NCAM2: variants seen among roughly 807,000 people sequenced by gnomAD.
NCAM2 encodes the protein neural cell adhesion molecule 2, also known as N-CAM-2.
In NCAM2, 30 loss-of-function variants were observed where a neutral mutation model predicts 98.1. The observed-to-expected ratio is 0.31, with a 90% CI of 0.23 to 0.41. NCAM2 has a LOEUF of 0.41. NCAM2 is among the 10% of genes least tolerant of loss of function. The pLI, the probability that NCAM2 is intolerant of heterozygous loss-of-function variation, is 1.00. For synonymous variants in NCAM2, 368 were observed against 342.4 expected (o/e 1.07, Z -0.83); for missense variants, 867 against 1,005.8 (o/e 0.86, Z 1.87).
At chr21:21,526,679 T>C (rs1439453126) in intron 16 of NCAM2, among the ~76,000 whole-genome samples, 2 of 152,154 alleles carry the variant, frequency 1.3e-5, no homozygotes, top group African/African-American at 4.8e-5. Context: ...AAAGTAATAT[T>C]GAAAGTGTAA....
intron 5 of NCAM2, among the ~76,000 whole-genome samples, chr21:21,323,976 A>C (rs1218615547): frequency 6.6e-6 from 1 of 152,198 alleles, no homozygotes; most frequent in African/African-American, 2.4e-5. Context: ...TATTGATGTA[A>C]GTTAGGGTGG....
intron 1 of NCAM2, among the ~76,000 whole-genome samples, chr21:21,074,157 A>G (rs1008400512): frequency 1.3e-5 from 2 of 152,112 alleles, no homozygotes; most frequent in African/African-American, 4.8e-5. Flanking sequence ...CTTTAGAAAA[A>G]TTTCCAAGTA....
intron 15 of NCAM2, among the ~76,000 whole-genome samples, chr21:21,478,600 G>A (rs1179037887): frequency 6.6e-6 from 1 of 151,862 alleles, no homozygotes. Flanking sequence ...GGTTTAAAAA[G>A]TAATTGATAT....
intron 1 of NCAM2, among the ~76,000 whole-genome samples, chr21:21,218,644 A>G (rs1157925813): frequency 6.6e-6 from 1 of 152,232 alleles, no homozygotes; most frequent in African/African-American, 2.4e-5. Context: ...TTGCAACTTT[A>G]CTGACTTTGA....
rs187210596 is a variant in NCAM2 at position 21,130,824 on chromosome 21, A to G, written c.55+132206A>G. Among the ~76,000 whole-genome samples, 8 of 152,268 alleles carry G rather than the reference A, an allele frequency of 5.3e-5. No homozygotes were observed. The East Asian group carries it at 1.4e-3, about 26-fold the overall frequency. On this transcript the variant is annotated intron_variant, in intron 1 of 17. Coordinates refer to ENST00000400546, the MANE Select transcript of NCAM2 (RefSeq NM_004540.5). ...TCTGGGTGAATATTTAAAATGGCAA[A>G]ACATATGTCCAAAAATATAAGCTGG...
At chr21:21,429,048 T>A (rs1170237735) in intron 11 of NCAM2, among the ~76,000 whole-genome samples, 4 of 152,076 alleles carry the variant, frequency 2.6e-5, no homozygotes, top group African/African-American at 9.7e-5. Context: ...AAAACCAAAA[T>A]GTAAAAAATA....
At position 21,066,417 on chromosome 21, in the gene NCAM2, TAC is replaced by T. The variant is rs572958891; in HGVS notation, c.55+67813_55+67814del. On this transcript the variant is annotated intron_variant, in intron 1 of 17. Transcript: ENST00000400546. Reference sequence around the variant, plus strand: ...TCTAAATGCAGTTTTTTATAACATATACACACACACACACAGATATACACCTT... The same window carrying T: ...TCTAAATGCAGTTTTTTATAACATATACACACACACACAGATATACACCTT... 1.3e-3 allele frequency among the ~76,000 whole-genome samples: 204 copies of T among 151,388 alleles called. 1 individual carries two copies. Among genetic ancestry groups the T allele is most frequent in the African/African-American group, 4.7e-3 (196 of 41,332 alleles).
chr21:21,179,615 ATT>A (rs1165282007), intron 1 of NCAM2, among the ~76,000 whole-genome samples: 1 of 152,188 alleles, frequency 6.6e-6, no homozygotes, highest in African/African-American at 2.4e-5. Context: ...TCAGCTAATT[ATT>A]TTGTATCCGG....
chr21:21,068,738 A>G (rs969050126), intron 1 of NCAM2, among the ~76,000 whole-genome samples: 2 of 152,172 alleles, frequency 1.3e-5, no homozygotes, highest in African/African-American at 4.8e-5. Context: ...ATTTGTATGC[A>G]ATGACCAATG....
At chr21:21,339,580 A>G (rs2074968671) in intron 8 of NCAM2, among the ~76,000 whole-genome samples, 6 of 151,970 alleles carry the variant, frequency 3.9e-5, no homozygotes, top group Admixed American at 3.9e-4. Context: ...ACCTCCTTTA[A>G]ACTTTTTTCA....
At chr21:21,220,155 T>C (rs766986621) in intron 1 of NCAM2, among the ~76,000 whole-genome samples, 19 of 152,272 alleles carry the variant, frequency 1.2e-4, no homozygotes, top group Middle Eastern at 6.8e-3. Context: ...TGTTGTAGCC[T>C]AAGTGTACAG....
At chr21:21,368,831 T>A (rs923186629) in intron 8 of NCAM2, among the ~76,000 whole-genome samples, 2 of 151,836 alleles carry the variant, frequency 1.3e-5, no homozygotes, top group African/African-American at 4.8e-5. Flanking sequence ...ATTTACTTTT[T>A]TTCCTGCAGT....
intron 11 of NCAM2, among the ~76,000 whole-genome samples, chr21:21,419,868 A>G (rs1412685136): frequency 2.0e-5 from 3 of 152,144 alleles, no homozygotes; most frequent in South Asian, 2.1e-4. Context: ...TCCTTTGGGT[A>G]TATACCCAGT....
intron 16 of NCAM2, among the ~76,000 whole-genome samples, chr21:21,520,617 T>C (rs1988962058): frequency 1.3e-5 from 2 of 152,182 alleles, no homozygotes; most frequent in South Asian, 4.1e-4. Context: ...AAGTTGCCAC[T>C]CTCTCCTAAC....
At chr21:21,288,611 A>C (rs944483515) in intron 4 of NCAM2, among the ~76,000 whole-genome samples, 2 of 151,648 alleles carry the variant, frequency 1.3e-5, no homozygotes, top group African/African-American at 2.4e-5. Context: ...AATAGTGTAG[A>C]AACTTATCAC....
chr21:21,145,411 G>T (rs929112950), intron 1 of NCAM2, among the ~76,000 whole-genome samples: 1 of 152,134 alleles, frequency 6.6e-6, no homozygotes, highest in African/African-American at 2.4e-5. Context: ...ACAACTTACT[G>T]CAATTTATGT....
intron 14 of NCAM2, among the ~76,000 whole-genome samples, chr21:21,470,563 C>T (rs530233011): frequency 2.2e-4 from 33 of 152,102 alleles, no homozygotes; most frequent in Admixed American, 1.4e-3. Flanking sequence ...TTACTCCTTC[C>T]GTTTTCTCGC....
intron 8 of NCAM2, among the ~76,000 whole-genome samples, chr21:21,344,920 G>T (rs575426885): frequency 6.6e-6 from 1 of 152,076 alleles, no homozygotes; most frequent in East Asian, 1.9e-4. Flanking sequence ...AGCTTTATGC[G>T]GTCAGAAAAT....
intron 5 of NCAM2, among the ~76,000 whole-genome samples, chr21:21,319,904 A>G (rs1229141355): frequency 6.6e-6 from 1 of 152,182 alleles, no homozygotes; most frequent in East Asian, 1.9e-4. Context: ...TATTTGATTA[A>G]ACTGCTGATT....
Sources: gnomAD v4.1 joint callset for allele counts (sites outside exome capture counted in the v4.1 genomes callset) on GRCh38, gnomAD v4.1.1 for gene constraint, MANE v1.5 for transcripts, NCBI Gene and HGNC (gene_info 2026-07-23, HGNC 2026-07-21) for gene names.